The following ABCG1 variants were observed in gnomAD, a reference collection of about 807,000 sequenced individuals.
ABCG1 encodes the protein ATP binding cassette subfamily G member 1.
A neutral mutation model predicts 69.2 loss-of-function variants in ABCG1; 29 were observed. The observed-to-expected ratio is 0.42, with a 90% CI of 0.31 to 0.57. The LOEUF (loss-of-function observed/expected upper bound fraction) is 0.57, where lower values mean the gene tolerates loss of function less well. ABCG1 is among the 20% of genes least tolerant of loss of function. The pLI, the probability that ABCG1 is intolerant of heterozygous loss-of-function variation, is 0.15. For missense variants in ABCG1, 718 were observed against 898.1 expected (o/e 0.80, Z 2.56); for synonymous variants, 370 against 374.8 (o/e 0.99, Z 0.15).
intron 13 of ABCG1, among the ~76,000 whole-genome samples, chr21:42,293,499 A>ACCACAC: frequency 7.4e-6 from 1 of 134,742 alleles, no homozygotes; most frequent in African/African-American, 2.8e-5. Context: ...CTACACACAC[A>ACCACAC]TCACACTACA....
intron 1 of ABCG1, among the ~76,000 whole-genome samples, chr21:42,222,649 G>A (rs1044161405): frequency 2.6e-5 from 4 of 152,080 alleles, no homozygotes; most frequent in African/African-American, 7.2e-5. Context: ...TACCTCCTCC[G>A]AACTGGAGAT....
At position 42,290,127 on chromosome 21, in the gene ABCG1, C is replaced by T. The variant is rs1327074656; in HGVS notation, c.1302C>T (p.Asn434=). The change falls in exon 11 of 15, where the codon AAC becomes AAT. Residue 434 remains asparagine, a synonymous_variant. Transcript: ENST00000398449. ...GCCTGCTGTACTTGGGGATCGGGAA[C>T]GAAGCCAAGAAGGTCTTGAGCAACT... ...LIGLLYLGIG[N]EAKKVLSNSG... 1.8e-5 allele frequency: 29 copies of T among 1,614,084 alleles called. No individual in the cohort carries two copies. Among genetic ancestry groups the T allele is most frequent in the Admixed American group, 8.3e-5 (5 of 60,006 alleles).
chr21:42,296,602 G>A lies in ABCG1; in HGVS notation c.*210G>A. 1 of 568,924 alleles carries A rather than the reference G, an allele frequency of 1.8e-6. No homozygotes were observed. Among genetic ancestry groups the A allele is most frequent in the Non-Finnish European group, 3.1e-6 (1 of 317,718 alleles). The allele number at this position is 568,924 out of a possible 1,614,324, so 35.2% of individuals were successfully genotyped here. On this transcript the variant is annotated 3_prime_UTR_variant, in exon 15 of 15. Coordinates refer to ENST00000398449, the MANE Select transcript of ABCG1 (RefSeq NM_016818.3). The surrounding 1 kb of genome is among the most constrained non-coding windows in gnomAD (Gnocchi z 5.4). Reference sequence around the variant, plus strand: ...CCATTCCCCTTTCTAGCTTTAACTAGGAAGATGTAGGCAGATTGGTGGTTT... The same window carrying A: ...CCATTCCCCTTTCTAGCTTTAACTAAGAAGATGTAGGCAGATTGGTGGTTT...
chr21:42,223,258 G>T (rs1049946523), intron 1 of ABCG1, among the ~76,000 whole-genome samples: 1 of 152,194 alleles, frequency 6.6e-6, no homozygotes, highest in South Asian at 2.1e-4. Context: ...GAGGCCACCA[G>T]GAGCCAGCAC....
intron 2 of ABCG1, among the ~76,000 whole-genome samples, chr21:42,265,129 G>A (rs1433302120): frequency 1.3e-5 from 2 of 152,148 alleles, no homozygotes; most frequent in African/African-American, 4.8e-5. Flanking sequence ...AGCTGTGCTC[G>A]GGCAGGGCTG....
chr21:42,240,093 A>G (rs1389592926), intron 2 of ABCG1, among the ~76,000 whole-genome samples: 2 of 152,208 alleles, frequency 1.3e-5, no homozygotes, highest in African/African-American at 4.8e-5. Context: ...TCATCTTGGG[A>G]CAGGCAGGAG....
At chr21:42,220,323 C>T (rs2067704085) in intron 1 of ABCG1, among the ~76,000 whole-genome samples, 1 of 152,244 alleles carries the variant, frequency 6.6e-6, no homozygotes, top group Non-Finnish European at 1.5e-5. Flanking sequence ...GGGCTCACCC[C>T]GCCCCTCCCC....
chr21:42,216,267 A>T (rs1380239204), upstream of ABCG1: 1 of 362,326 alleles, frequency 2.8e-6, no homozygotes, highest in African/African-American at 2.1e-5. Flanking sequence ...AAATGGACTA[A>T]TACAGACAGG....
intron 2 of ABCG1, among the ~76,000 whole-genome samples, chr21:42,260,949 G>A (rs1479216330): frequency 6.6e-6 from 1 of 152,136 alleles, no homozygotes; most frequent in Non-Finnish European, 1.5e-5. Flanking sequence ...AGCCTCCTGA[G>A]TAGCTGGGAC....
chr21:42,244,925 G>A (rs1569216565), intron 2 of ABCG1, among the ~76,000 whole-genome samples: 1 of 152,236 alleles, frequency 6.6e-6, no homozygotes, highest in Non-Finnish European at 1.5e-5. Flanking sequence ...AGCCATCCGT[G>A]GAAGGGGTGC....
In ABCG1 at chr21:42,296,077, G is replaced by A. The variant is rs891035830; in HGVS notation, c.1773-87G>A. 183 of 1,141,548 alleles carry A rather than the reference G, an allele frequency of 1.6e-4. No individual in the cohort carries two copies. Among genetic ancestry groups the A allele is most frequent in the Middle Eastern group, 2.0e-4 (1 of 5,122 alleles). The allele number at this position is 1,141,548 out of a possible 1,614,324, so 70.7% of individuals were successfully genotyped here. ...AGGGAGGATAGCCAAGCTGGGAATC[G>A]CAGGGAGGGTGAACGACATTGACCT... On this transcript the variant is annotated intron_variant, in intron 14 of 14. Coordinates refer to ENST00000398449, the MANE Select transcript of ABCG1 (RefSeq NM_016818.3). This position sits in a 1 kb window ranked among gnomAD's most constrained non-coding sequence, Gnocchi z 5.4.
At chr21:42,216,141 C>T (rs923907961), upstream of ABCG1, 13 of 452,192 alleles carry the variant, frequency 2.9e-5, no homozygotes, top group Admixed American at 7.1e-5. Flanking sequence ...TGAGACATGC[C>T]TTTCACCTTC....
intron 1 of ABCG1, chr21:42,201,526 A>C (rs1209718903): frequency 7.1e-6 from 9 of 1,266,594 alleles, no homozygotes; most frequent in Non-Finnish European, 9.8e-6. Flanking sequence ...AGCTACCCTG[A>C]GTTAATCTGA....
upstream of ABCG1, among the ~76,000 whole-genome samples, chr21:42,212,854 C>T (rs57863708): frequency 0.02 from 3,073 of 152,094 alleles, 105 homozygotes; most frequent in African/African-American, 0.069. Flanking sequence ...CTACCATGCC[C>T]GGCTAATTTT....
intron 2 of ABCG1, among the ~76,000 whole-genome samples, chr21:42,210,358 A>G (rs907964504): frequency 5.3e-5 from 8 of 151,976 alleles, no homozygotes; most frequent in African/African-American, 1.7e-4. Flanking sequence ...GGTTCCAGTT[A>G]CTTCCTAGCA....
chr21:42,251,912 G>A (rs753020513), intron 2 of ABCG1, among the ~76,000 whole-genome samples: 1 of 152,262 alleles, frequency 6.6e-6, no homozygotes, highest in African/African-American at 2.4e-5. Context: ...CCCAAGGCTT[G>A]CATGTGGCAT....
chr21:42,236,480 C>T (rs749807100), intron 2 of ABCG1, among the ~76,000 whole-genome samples: 5 of 152,210 alleles, frequency 3.3e-5, no homozygotes, highest in African/African-American at 1.2e-4. Context: ...AGACACCCGG[C>T]GGGACTAGTT....
chr21:42,201,316 G>A (rs2123458791), intron 1 of ABCG1, among the ~76,000 whole-genome samples: 1 of 152,226 alleles, frequency 6.6e-6, no homozygotes, highest in Admixed American at 6.5e-5. Flanking sequence ...GTGCAACCTA[G>A]ATCCCTTGAG....
chr21:42,259,914 G>A (rs954693516), intron 2 of ABCG1: 45 of 1,455,948 alleles, frequency 3.1e-5, no homozygotes, highest in African/African-American at 7.2e-5. Flanking sequence ...AGGCTTGAGC[G>A]GCCCTGAAGC....
Sources: gnomAD v4.1 joint callset for allele counts (sites outside exome capture counted in the v4.1 genomes callset) on GRCh38, gnomAD v4.1.1 for gene constraint, Gnocchi (gnomAD v3.1) non-coding constraint, MANE v1.5 for transcripts, NCBI Gene and HGNC (gene_info 2026-07-23, HGNC 2026-07-21) for gene names.